CNTN6: variants seen among roughly 807,000 people sequenced by gnomAD.
CNTN6 encodes contactin 6, also known as contactin-6.
In CNTN6, 137 loss-of-function variants were observed where a neutral mutation model predicts 122.8. That is an observed-to-expected ratio of 1.12 (90% CI 0.97 to 1.29). The LOEUF (loss-of-function observed/expected upper bound fraction) is 1.29, where lower values mean the gene tolerates loss of function less well. CNTN6 is among the 50% of genes most tolerant of loss of function. The pLI is 0.00. For synonymous variants in CNTN6, 570 were observed against 426.0 expected (o/e 1.34, Z -4.16); for missense variants, 1,634 against 1,223.4 (o/e 1.34, Z -5.01).
chr3:1,191,495 C>T (rs1352403226), intron 2 of CNTN6, among the ~76,000 whole-genome samples: 1 of 152,178 alleles, frequency 6.6e-6, no homozygotes, highest in African/African-American at 2.4e-5. Context: ...ACCCCAACTC[C>T]ACAGGGACAG....
At position 1,384,020 on chromosome 3, in the gene CNTN6, C is replaced by T. The variant is rs1456469803; in HGVS notation, c.2517+612C>T. Among the ~76,000 whole-genome samples the T allele has an allele frequency of 3.3e-5, 5 of 152,188 alleles. No homozygotes were observed. The South Asian group carries it at 8.3e-4, about 25-fold the overall frequency. ...TCTGGTCCACAGTAAAGTCCTGCCT[C>T]CTCCCTCAAAGTAAGGGAAATCTTT... On this transcript the variant is annotated intron_variant, in intron 19 of 22. Coordinates refer to ENST00000446702, the MANE Select transcript of CNTN6 (RefSeq NM_001289080.2).
At chr3:1,275,695 C>T (rs911175837) in intron 4 of CNTN6, among the ~76,000 whole-genome samples, 1 of 152,148 alleles carries the variant, frequency 6.6e-6, no homozygotes. Context: ...AGTGACAGAT[C>T]ATCAGGCATT....
chr3:1,268,572 A>AGT (rs2094966464), intron 4 of CNTN6, among the ~76,000 whole-genome samples: 1 of 133,590 alleles, frequency 7.5e-6, no homozygotes, highest in Non-Finnish European at 1.6e-5. Context: ...GAGCCACTGC[A>AGT]CTCCAGCCTG....
intron 4 of CNTN6, among the ~76,000 whole-genome samples, chr3:1,275,715 C>T (rs1024931884): frequency 3.3e-5 from 5 of 152,124 alleles, no homozygotes; most frequent in Non-Finnish European, 4.4e-5. Flanking sequence ...TAGGTTATCA[C>T]AAGGAGTGTG....
chr3:1,171,297 T>A, intron 2 of CNTN6, among the ~76,000 whole-genome samples: 1 of 152,186 alleles, frequency 6.6e-6, no homozygotes, highest in East Asian at 1.9e-4. Flanking sequence ...AGAAATAATA[T>A]GTGTAGGTTC....
At chr3:1,275,679 G>T (rs540682436) in intron 4 of CNTN6, among the ~76,000 whole-genome samples, 7 of 152,124 alleles carry the variant, frequency 4.6e-5, no homozygotes, top group Non-Finnish European at 8.8e-5. Flanking sequence ...GGGGGTGATG[G>T]GAGACAGTGA....
intron 4 of CNTN6, among the ~76,000 whole-genome samples, chr3:1,239,073 C>A (rs963301463): frequency 6.6e-6 from 1 of 152,046 alleles, no homozygotes; most frequent in Non-Finnish European, 1.5e-5. Context: ...ATATACAACT[C>A]TCCTAGATTA....
chr3:1,288,908 G>A (rs1364345700), intron 5 of CNTN6, among the ~76,000 whole-genome samples: 1 of 152,080 alleles, frequency 6.6e-6, no homozygotes, highest in East Asian at 1.9e-4. Flanking sequence ...CTGCAGATCT[G>A]CCATTTCTAA....
At chr3:1,403,155 C>T (rs182051623) in intron 22 of CNTN6, among the ~76,000 whole-genome samples, 163 bp from the exon 23 acceptor site, 44 of 152,030 alleles carry the variant, frequency 2.9e-4, no homozygotes, top group African/African-American at 9.4e-4. Flanking sequence ...GACAAAGACA[C>T]GGTAAGGCAC....
intron 11 of CNTN6, among the ~76,000 whole-genome samples, chr3:1,348,157 C>CAAACAAAAAAAAAAAA (rs1705040574): frequency 1.6e-5 from 1 of 64,302 alleles, no homozygotes; most frequent in African/African-American, 6.9e-5. Context: ...ATGCTATAGA[C>CAAACAAAAAAAAAAAA]AAAAAAAAAA....
intron 12 of CNTN6, among the ~76,000 whole-genome samples, chr3:1,364,145 A>G (rs10510209): frequency 0.091 from 13,818 of 151,998 alleles, 853 homozygotes; most frequent in Non-Finnish European, 0.13. Context: ...GGAAAGGACT[A>G]ATATCTTAAT....
intron 17 of CNTN6, among the ~76,000 whole-genome samples, chr3:1,380,256 T>G (rs954556427): frequency 7.1e-4 from 108 of 152,314 alleles, no homozygotes; most frequent in African/African-American, 2.5e-3. Flanking sequence ...TGATTATCCT[T>G]CATTTAGGCT....
chr3:1,162,863 A>G (rs1224246991), intron 2 of CNTN6, among the ~76,000 whole-genome samples: 1 of 152,174 alleles, frequency 6.6e-6, no homozygotes, highest in Non-Finnish European at 1.5e-5. Context: ...GACCCTTTGT[A>G]TCCTCCCATT....
chr3:1,148,091 G>C (rs762220450), intron 2 of CNTN6, 28 bp downstream of exon 2: 2 of 1,557,128 alleles, frequency 1.3e-6, no homozygotes, highest in East Asian at 2.3e-5. Flanking sequence ...TATAAGTTTT[G>C]ATTGATAAAT....
intron 7 of CNTN6, among the ~76,000 whole-genome samples, chr3:1,317,492 G>A (rs561126999): frequency 2.6e-5 from 4 of 151,798 alleles, no homozygotes; most frequent in East Asian, 3.9e-4. Flanking sequence ...TTTGTTTTTC[G>A]GGGGGTGGGC....
At chr3:1,241,994 T>A (rs2094491990) in intron 4 of CNTN6, among the ~76,000 whole-genome samples, 1 of 152,224 alleles carries the variant, frequency 6.6e-6, no homozygotes, top group African/African-American at 2.4e-5. Flanking sequence ...CCGACCATGC[T>A]AACCATGCCT....
chr3:1,383,822 GAGTT>G (rs1045660534), intron 19 of CNTN6, among the ~76,000 whole-genome samples: 11 of 148,874 alleles, frequency 7.4e-5, no homozygotes, highest in Non-Finnish European at 1.2e-4. Context: ...ATTAATGGGT[GAGTT>G]AGTTATTCAG....
chr3:1,117,674 C>G (rs1267894222), intron 1 of CNTN6, among the ~76,000 whole-genome samples: 2 of 152,102 alleles, frequency 1.3e-5, no homozygotes, highest in African/African-American at 4.8e-5. Context: ...TGCATTGCTC[C>G]CTGCATCTTT....
chr3:1,314,405 A>T (rs1358289904), intron 7 of CNTN6, among the ~76,000 whole-genome samples: 2 of 152,136 alleles, frequency 1.3e-5, no homozygotes. Context: ...TAAGAAACTC[A>T]TTCTCTGTAC....
Sources: gnomAD v4.1 joint callset for allele counts (sites outside exome capture counted in the v4.1 genomes callset) on GRCh38, gnomAD v4.1.1 for gene constraint, MANE v1.5 for transcripts, NCBI Gene and HGNC (gene_info 2026-07-23, HGNC 2026-07-21) for gene names.